MCM9: variants seen among roughly 807,000 people sequenced by gnomAD.
MCM9 encodes DNA helicase MCM9.
A neutral mutation model predicts 72.8 loss-of-function variants in MCM9; 55 were observed. That is an observed-to-expected ratio of 0.76 (90% CI 0.61 to 0.95). The LOEUF (loss-of-function observed/expected upper bound fraction) is 0.95. Ranked by LOEUF, MCM9 falls within the 40% of genes least tolerant of loss-of-function variation. The pLI is 0.00. For missense variants in MCM9, 1,279 were observed against 1,377.0 expected (o/e 0.93, Z 1.13); for synonymous variants, 480 against 503.4 (o/e 0.95, Z 0.62).
chr6:118,923,785 T>A, intron 4 of MCM9, 26 bp downstream of exon 4: 1 of 1,596,720 alleles, frequency 6.3e-7, no homozygotes. Flanking sequence ...TTCAAATTTA[T>A]TTATCTCGTT....
intron 9 of MCM9, among the ~76,000 whole-genome samples, chr6:118,855,233 G>A (rs1776478935): frequency 6.6e-6 from 1 of 152,146 alleles, no homozygotes; most frequent in Non-Finnish European, 1.5e-5. Context: ...CTATACTTCT[G>A]ATTTCCTCAA....
In MCM9 at chr6:118,911,242, T is replaced by C. The variant is rs534094440; in HGVS notation, c.1150+408A>G. The C allele has an allele frequency of 8.7e-5, 86 of 987,756 alleles. No individual in the cohort carries two copies. The African/African-American group carries it at 1.4e-3, about 16-fold the overall frequency. 61.2% of individuals were successfully genotyped at this position (987,756 alleles called of 1,614,324 possible). A position where few individuals can be genotyped will look rare whatever the true frequency, so the allele number is the denominator to read the frequency against. ...CTACCTAAGAAATTTCAGTAGGAGC[T>C]ACTGTTGCCTATCAGATTTATGAGC... On this transcript the variant is annotated intron_variant, in intron 8 of 13. Coordinates refer to ENST00000619706, the MANE Select transcript of MCM9 (RefSeq NM_017696.3).
chr6:118,855,081 G>A (rs557796240), intron 9 of MCM9, among the ~76,000 whole-genome samples: 48 of 152,156 alleles, frequency 3.2e-4, no homozygotes, highest in African/African-American at 1.1e-3. Flanking sequence ...CAAACTGCCT[G>A]GCCTTTTGGT....
chr6:118,843,641 C>CATATATAT lies in MCM9; in HGVS notation c.1325+12722_1325+12729dup, dbSNP rs763509537. ...CTCAAAAAAACAAAACAAAACAAAA[C>CATATATAT]ATATATATATATATGTGTATATATA... On this transcript the variant is annotated intron_variant, in intron 9 of 13. Transcript: ENST00000619706. Among the ~76,000 whole-genome samples the CATATATAT allele has an allele frequency of 4.5e-4, 30 of 66,272 alleles. 1 individual carries two copies. Among genetic ancestry groups the CATATATAT allele is most frequent in the Non-Finnish European group, 3.1e-4 (11 of 35,354 alleles). The allele number at this position is 66,272 out of a possible 152,430, so 43.5% of individuals were successfully genotyped here.
At chr6:118,900,496 C>T (rs1779736199) in intron 8 of MCM9, among the ~76,000 whole-genome samples, 2 of 152,194 alleles carry the variant, frequency 1.3e-5, no homozygotes, top group African/African-American at 4.8e-5. Flanking sequence ...ACAAGGTTTA[C>T]AGCATTTCCC....
At chr6:118,931,209 C>T (rs1782395914) in intron 3 of MCM9, among the ~76,000 whole-genome samples, 1 of 152,190 alleles carries the variant, frequency 6.6e-6, no homozygotes, top group African/African-American at 2.4e-5. Context: ...GCTGTCTCCA[C>T]ACATTCTCCC....
chr6:118,829,887 G>A (rs1038507230), intron 9 of MCM9, among the ~76,000 whole-genome samples: 1 of 152,182 alleles, frequency 6.6e-6, no homozygotes, highest in Non-Finnish European at 1.5e-5. Context: ...AAGAGAGAAA[G>A]AGGGAGGGAA....
At chr6:118,895,131 C>A (rs1261072725) in intron 8 of MCM9, among the ~76,000 whole-genome samples, 2 of 152,096 alleles carry the variant, frequency 1.3e-5, no homozygotes, top group African/African-American at 2.4e-5. Context: ...CGAGGCTGTC[C>A]TCGCGCTGAT....
At chr6:118,877,571 G>C (rs542178372) in intron 8 of MCM9, among the ~76,000 whole-genome samples, 54 of 152,310 alleles carry the variant, frequency 3.5e-4, no homozygotes, top group Middle Eastern at 6.8e-3. Flanking sequence ...GTGAGGCAAA[G>C]TCAACTCTCA....
chr6:118,815,764 A>G lies in MCM9; in HGVS notation c.2492T>C (p.Val831Ala), dbSNP rs1773375362. The G allele has an allele frequency of 2.6e-6, 4 of 1,541,846 alleles. No individual in the cohort carries two copies. Among genetic ancestry groups the G allele is most frequent in the Admixed American group, 3.9e-5 (2 of 50,952 alleles). ...KRLALDSEAA[V>A]SADKPDSVLT... ...TACTGAGTCTGGTTTATCAGCAGAG[A>G]CTGCTGCTTCAGAATCTAGTGCTAG... Residue 831 changes from valine to alanine, a missense_variant, in exon 14 of 14, where the codon GTC becomes GCC. Transcript: ENST00000619706.
At chr6:118,896,205 A>G (rs1222929557) in intron 8 of MCM9, among the ~76,000 whole-genome samples, 1 of 152,136 alleles carries the variant, frequency 6.6e-6, no homozygotes, top group Non-Finnish European at 1.5e-5. Flanking sequence ...CTCTCCTATG[A>G]TACTACTATT....
chr6:118,874,955 A>G (rs1356588552), intron 8 of MCM9, among the ~76,000 whole-genome samples: 1 of 152,188 alleles, frequency 6.6e-6, no homozygotes, highest in Non-Finnish European at 1.5e-5. Context: ...TTCTATTAAA[A>G]ATACAAAACC....
intron 6 of MCM9, among the ~76,000 whole-genome samples, chr6:118,915,917 C>A (rs1168525131): frequency 6.6e-6 from 1 of 152,156 alleles, no homozygotes; most frequent in East Asian, 1.9e-4. Flanking sequence ...GCACAAAGCA[C>A]GTCTGAAGAT....
At chr6:118,836,122 T>TTGGTTCTG (rs1199637352) in intron 9 of MCM9, among the ~76,000 whole-genome samples, 2 of 152,232 alleles carry the variant, frequency 1.3e-5, no homozygotes, top group African/African-American at 4.8e-5. Flanking sequence ...GTTTTTGTCA[T>TTGGTTCTG]TGGTTCTGTT....
intron 8 of MCM9, among the ~76,000 whole-genome samples, chr6:118,872,840 A>G (rs957344826): frequency 6.6e-5 from 10 of 151,588 alleles, no homozygotes; most frequent in African/African-American, 1.7e-4. Flanking sequence ...AAGTAAGCAG[A>G]AAAAAAAATT....
intron 13 of MCM9, among the ~76,000 whole-genome samples, chr6:118,821,935 T>G (rs1773841737): frequency 6.6e-6 from 1 of 152,242 alleles, no homozygotes. Context: ...TACTTGTGTA[T>G]GCTTCATGAA....
At chr6:118,838,194 C>G (rs1775097166) in intron 9 of MCM9, among the ~76,000 whole-genome samples, 1 of 150,338 alleles carries the variant, frequency 6.7e-6, no homozygotes, top group African/African-American at 2.5e-5. Context: ...GGAGTCTCAC[C>G]CTGTCACCCA....
chr6:118,843,286 C>CA (rs1263444498), intron 9 of MCM9, among the ~76,000 whole-genome samples: 2 of 150,260 alleles, frequency 1.3e-5, no homozygotes, highest in Admixed American at 1.3e-4. Flanking sequence ...TGCTTATTTT[C>CA]AAAAAAAGAA....
chr6:118,914,987 A>AAT (rs1780827064), intron 6 of MCM9, among the ~76,000 whole-genome samples: 1 of 152,234 alleles, frequency 6.6e-6, no homozygotes, highest in African/African-American at 2.4e-5. Flanking sequence ...GTAAGTATAC[A>AAT]ACACATTAAA....
Sources: gnomAD v4.1 joint callset for allele counts (sites outside exome capture counted in the v4.1 genomes callset) on GRCh38, gnomAD v4.1.1 for gene constraint, MANE v1.5 for transcripts, NCBI Gene and HGNC (gene_info 2026-07-23, HGNC 2026-07-21) for gene names.